The following XKR6 variants were observed in gnomAD, a reference collection of about 807,000 sequenced individuals.
XKR6 encodes XK related 6.
Under a neutral mutation model 56.7 loss-of-function variants are expected in XKR6, and 22 were observed. The ratio of observed to expected loss-of-function variants is 0.39; its 90% CI spans 0.28 to 0.55. The LOEUF (loss-of-function observed/expected upper bound fraction) is 0.55. Ranked by LOEUF, XKR6 falls within the 20% of genes least tolerant of loss-of-function variation. The pLI is 0.66. For missense variants in XKR6, 852 were observed against 889.0 expected (o/e 0.96, Z 0.53); for synonymous variants, 524 against 387.8 (o/e 1.35, Z -4.13).
intron 1 of XKR6, among the ~76,000 whole-genome samples, chr8:10,931,207 T>C (rs1171998495): frequency 1.3e-5 from 2 of 152,192 alleles, no homozygotes; most frequent in South Asian, 2.1e-4. Flanking sequence ...ATGAAATTCT[T>C]AGAGACAAAT....
chr8:11,020,564 G>T (rs28706817), intron 1 of XKR6, among the ~76,000 whole-genome samples: 60,801 of 151,938 alleles, frequency 0.4, 12,685 homozygotes, highest in African/African-American at 0.53. Context: ...CGGTGAGTTG[G>T]GGCTTTGACA....
intron 1 of XKR6, among the ~76,000 whole-genome samples, chr8:11,180,403 G>T (rs562803048): frequency 2.8e-4 from 43 of 152,316 alleles, no homozygotes; most frequent in Admixed American, 2.4e-3. Context: ...TTGTATCATA[G>T]TAAGTTTAGT....
At chr8:11,171,201 T>A (rs1802350046) in intron 1 of XKR6, among the ~76,000 whole-genome samples, 1 of 152,246 alleles carries the variant, frequency 6.6e-6, no homozygotes, top group Admixed American at 6.5e-5. Flanking sequence ...CCGACCTGTA[T>A]ATGAGGCACT....
At chr8:10,986,104 T>C (rs1420066423) in intron 1 of XKR6, among the ~76,000 whole-genome samples, 1 of 152,216 alleles carries the variant, frequency 6.6e-6, no homozygotes, top group Non-Finnish European at 1.5e-5. Flanking sequence ...CTACTGGAGA[T>C]ATTACAAAGA....
chr8:11,080,619 T>C (rs1797684974), intron 1 of XKR6, among the ~76,000 whole-genome samples: 1 of 152,192 alleles, frequency 6.6e-6, no homozygotes, highest in Non-Finnish European at 1.5e-5. Flanking sequence ...CAAAGCCACC[T>C]TCACAGCCTA....
At chr8:10,928,546 G>A (rs1800963135) in intron 1 of XKR6, among the ~76,000 whole-genome samples, 1 of 152,202 alleles carries the variant, frequency 6.6e-6, no homozygotes, top group Non-Finnish European at 1.5e-5. Flanking sequence ...AGGCTGCGCT[G>A]CCAGCCGCCT....
chr8:11,098,818 T>A (rs533448093), intron 1 of XKR6, among the ~76,000 whole-genome samples: 1 of 152,302 alleles, frequency 6.6e-6, no homozygotes, highest in Non-Finnish European at 1.5e-5. Flanking sequence ...TAAGTGGGGC[T>A]AGGAGGGAGA....
chr8:11,020,630 C>A (rs1798729243), intron 1 of XKR6, among the ~76,000 whole-genome samples: 1 of 152,228 alleles, frequency 6.6e-6, no homozygotes. Context: ...TAAGAGCTTC[C>A]TTTCCCTCCT....
At chr8:10,990,046 T>TG (rs1307579252) in intron 1 of XKR6, among the ~76,000 whole-genome samples, 3 of 152,154 alleles carry the variant, frequency 2.0e-5, no homozygotes, top group Non-Finnish European at 4.4e-5. Flanking sequence ...CTACAATAGG[T>TG]GGTCATTATC....
intron 2 of XKR6, among the ~76,000 whole-genome samples, chr8:10,914,701 G>C (rs1003182915): frequency 6.6e-6 from 1 of 151,820 alleles, no homozygotes; most frequent in African/African-American, 2.4e-5. Flanking sequence ...TTGTGAGGGG[G>C]GCTCCTTAAC....
chr8:10,968,954 A>G (rs536384439), intron 1 of XKR6, among the ~76,000 whole-genome samples: 2 of 152,352 alleles, frequency 1.3e-5, no homozygotes, highest in East Asian at 3.9e-4. Flanking sequence ...TAGTATGTTC[A>G]ATGAAGGCCT....
intron 1 of XKR6, among the ~76,000 whole-genome samples, chr8:10,947,181 G>A (rs566941991): frequency 1.2e-4 from 18 of 152,294 alleles, no homozygotes; most frequent in African/African-American, 4.3e-4. Flanking sequence ...ATGCTGGCAA[G>A]GGGGAAATCA....
At chr8:10,992,539 G>A (rs1798017866) in intron 1 of XKR6, among the ~76,000 whole-genome samples, 1 of 152,190 alleles carries the variant, frequency 6.6e-6, no homozygotes, top group South Asian at 2.1e-4. Flanking sequence ...CCTTGAATGA[G>A]CAGCAGCCTG....
chr8:10,919,928 A>G (rs1048406160), intron 2 of XKR6, among the ~76,000 whole-genome samples: 1 of 152,240 alleles, frequency 6.6e-6, no homozygotes, highest in Non-Finnish European at 1.5e-5. Context: ...CAGCATAATA[A>G]TTGTATGATA....
At chr8:10,916,337 G>A (rs1170094952) in intron 2 of XKR6, among the ~76,000 whole-genome samples, 4 of 152,214 alleles carry the variant, frequency 2.6e-5, no homozygotes, top group East Asian at 3.8e-4. Flanking sequence ...ACCCCTTTCT[G>A]GGTGGCAGCT....
At chr8:10,959,991 A>G (rs115540284) in intron 1 of XKR6, among the ~76,000 whole-genome samples, 2,086 of 152,126 alleles carry the variant, frequency 0.014, 46 homozygotes, top group African/African-American at 0.048. Flanking sequence ...TCCTGGGATT[A>G]CAAAAGCCTG....
At chr8:11,007,926 T>G (rs1282083736) in intron 1 of XKR6, among the ~76,000 whole-genome samples, 1 of 148,334 alleles carries the variant, frequency 6.7e-6, no homozygotes. Flanking sequence ...AGGGGCAGAG[T>G]GGGGGGAGGG....
At chr8:10,910,783 C>A (rs1170847095) in intron 2 of XKR6, among the ~76,000 whole-genome samples, 3 of 152,194 alleles carry the variant, frequency 2.0e-5, no homozygotes, top group African/African-American at 7.2e-5. Flanking sequence ...TCAGGGATCT[C>A]AAAATACCAG....
chr8:11,034,215 G>C (rs562754653), intron 1 of XKR6, among the ~76,000 whole-genome samples: 2 of 152,206 alleles, frequency 1.3e-5, no homozygotes, highest in African/African-American at 4.8e-5. Context: ...GAGTTCAACA[G>C]GAAAGGCTGC....
Sources: allele counts gnomAD v4.1 joint callset (sites outside exome capture counted in the v4.1 genomes callset), GRCh38; gene constraint gnomAD v4.1.1; transcripts MANE v1.5; gene names NCBI Gene and HGNC (gene_info 2026-07-23, HGNC 2026-07-21).